SLC44A1: variants seen among roughly 807,000 people sequenced by gnomAD.
SLC44A1 encodes choline transporter-like protein 1.
Under a neutral mutation model 79.3 loss-of-function variants are expected in SLC44A1, and 26 were observed. That is an observed-to-expected ratio of 0.33 (90% confidence interval 0.24 to 0.46). The LOEUF is 0.46. Ranked by LOEUF, SLC44A1 falls within the 20% of genes least tolerant of loss-of-function variation. The probability of loss-of-function intolerance (pLI) is 1.00; values close to 1 mark genes in which losing one functional copy is unlikely to be tolerated. For missense variants in SLC44A1, 688 were observed against 798.1 expected (o/e 0.86, Z 1.66); for synonymous variants, 263 against 286.2 (o/e 0.92, Z 0.82).
intron 15 of SLC44A1, among the ~76,000 whole-genome samples, chr9:105,387,216 T>A (rs576266613): frequency 3.4e-4 from 51 of 151,578 alleles, no homozygotes; most frequent in African/African-American, 1.1e-3. Flanking sequence ...ATATAAAACC[T>A]TTCCTCTGTA....
chr9:105,303,631 T>C (rs1830938375), intron 2 of SLC44A1, among the ~76,000 whole-genome samples: 1 of 152,146 alleles, frequency 6.6e-6, no homozygotes, highest in Non-Finnish European at 1.5e-5. Context: ...AACAGAGGCA[T>C]AGAGATAAGC....
intron 1 of SLC44A1, among the ~76,000 whole-genome samples, chr9:105,249,445 T>G (rs1237471686): frequency 6.6e-6 from 1 of 152,176 alleles, no homozygotes; most frequent in Non-Finnish European, 1.5e-5. Flanking sequence ...GAATACTGTG[T>G]TGTTAGCATA....
At chr9:105,268,525 C>G (rs1032142076) in intron 1 of SLC44A1, among the ~76,000 whole-genome samples, 2 of 151,148 alleles carry the variant, frequency 1.3e-5, no homozygotes, top group African/African-American at 4.9e-5. Context: ...TTTTTTGAGA[C>G]GGAGTTTCGC....
At chr9:105,370,030 G>A (rs369053002) in intron 12 of SLC44A1, among the ~76,000 whole-genome samples, 1 of 152,240 alleles carries the variant, frequency 6.6e-6, no homozygotes. Context: ...AATGTTGAGC[G>A]TGGGCTAAAT....
At chr9:105,278,769 A>G (rs1830274551) in intron 1 of SLC44A1, among the ~76,000 whole-genome samples, 1 of 152,208 alleles carries the variant, frequency 6.6e-6, no homozygotes, top group Non-Finnish European at 1.5e-5. Flanking sequence ...TGAATCAGCT[A>G]CCACATATGC....
intron 3 of SLC44A1, among the ~76,000 whole-genome samples, chr9:105,318,236 A>G (rs183526685): frequency 4.9e-5 from 7 of 144,232 alleles, no homozygotes; most frequent in Non-Finnish European, 8.8e-5. Context: ...CTGGAGTGCA[A>G]TGGGCAAGAT....
chr9:105,348,021 G>T (rs1041304083), intron 4 of SLC44A1, among the ~76,000 whole-genome samples: 3 of 151,988 alleles, frequency 2.0e-5, no homozygotes, highest in African/African-American at 7.2e-5. Context: ...TCTCTTTAAA[G>T]TAGGCTTAAT....
intron 2 of SLC44A1, among the ~76,000 whole-genome samples, chr9:105,304,964 T>TG (rs1830985104): frequency 8.7e-6 from 1 of 114,406 alleles, no homozygotes; most frequent in African/African-American, 3.6e-5. Flanking sequence ...TTTTTTTTTT[T>TG]TTTTTTTTTT....
At chr9:105,374,539 C>A (rs7048586) in intron 12 of SLC44A1, 59 bp from the exon 13 acceptor site, 55,046 of 1,555,746 alleles carry the variant, frequency 0.035, 4,010 homozygotes, top group African/African-American at 0.31. Context: ...TGCTCAGTTT[C>A]TATCTTAACA....
chr9:105,342,145 ATAGTTT>A (rs1012038241), intron 4 of SLC44A1, among the ~76,000 whole-genome samples: 1 of 152,192 alleles, frequency 6.6e-6, no homozygotes, highest in Non-Finnish European at 1.5e-5. Context: ...TCCCTTATCC[ATAGTTT>A]TACTGTTCAA....
intron 5 of SLC44A1, among the ~76,000 whole-genome samples, chr9:105,354,717 G>A (rs1019673406): frequency 1.3e-5 from 2 of 152,168 alleles, no homozygotes; most frequent in Admixed American, 6.5e-5. Context: ...TTATTTTAAC[G>A]TTCCACCAAA....
chr9:105,299,744 C>T, intron 2 of SLC44A1: 1 of 982,778 alleles, frequency 1.0e-6, no homozygotes, highest in African/African-American at 1.8e-5. Context: ...CTGTCCTAGG[C>T]CCCTGCTGCC....
chr9:105,387,060 A>AAAATATATAT (rs34780893), intron 15 of SLC44A1, among the ~76,000 whole-genome samples: 2 of 7,730 alleles, frequency 2.6e-4, no homozygotes, highest in South Asian at 6.6e-3. Flanking sequence ...AAAAAAAAAA[A>AAAATATATAT]ATATATATAT....
intron 1 of SLC44A1, among the ~76,000 whole-genome samples, chr9:105,297,931 A>G (rs1374116760): frequency 1.3e-5 from 2 of 152,008 alleles, no homozygotes; most frequent in Non-Finnish European, 2.9e-5. Flanking sequence ...TCTCAGAGGA[A>G]CCTTTCCCAT....
chr9:105,416,445 G>A (rs1361888666), intron 15 of SLC44A1, among the ~76,000 whole-genome samples: 1 of 152,008 alleles, frequency 6.6e-6, no homozygotes, highest in Non-Finnish European at 1.5e-5. Flanking sequence ...ATAGAAGTGT[G>A]TATAATGTGT....
At chr9:105,328,876 A>G (rs1169234287) in intron 3 of SLC44A1, among the ~76,000 whole-genome samples, 5 of 152,170 alleles carry the variant, frequency 3.3e-5, no homozygotes, top group Non-Finnish European at 7.3e-5. Context: ...CACCCCTGTC[A>G]GCAACCTCAT....
chr9:105,297,973 C>T (rs1442556106), intron 1 of SLC44A1, among the ~76,000 whole-genome samples: 1 of 152,088 alleles, frequency 6.6e-6, no homozygotes, highest in East Asian at 1.9e-4. Context: ...TTTCTCCCTT[C>T]ACTGCTTACT....
intron 1 of SLC44A1, among the ~76,000 whole-genome samples, chr9:105,286,333 G>A (rs931120481): frequency 3.3e-5 from 5 of 152,142 alleles, no homozygotes; most frequent in Admixed American, 3.3e-4. Context: ...GACCATTTGA[G>A]TTGGGCATAT....
Position 105,244,885 on chromosome 9 carries a change from C to T in SLC44A1, c.17C>T (p.Ser6Phe). The T allele has an allele frequency of 8.5e-7, 1 of 1,173,240 alleles. No homozygotes were observed. Among genetic ancestry groups the T allele is most frequent in the East Asian group, 3.8e-5 (1 of 26,018 alleles). The allele number at this position is 1,173,240 out of a possible 1,614,324, so 72.7% of individuals were successfully genotyped here. Residue 6 changes from serine (S) to phenylalanine (F), a missense_variant, in exon 1 of 16, where the codon TCC (serine) becomes TTC (phenylalanine). Ser to Phe is a radical substitution (Grantham distance 155). Transcript: ENST00000374720. Reference protein sequence around the residue: MGCCSSASSAAQSSKR... With the variant: MGCCSFASSAAQSSKR... The stretch of plus-strand genomic sequence containing the variant: ...GGCCCCGCCATGGGCTGCTGCAGCT[C>T]CGCCTCCTCCGCCGCGCAGGTGAGG...
Sources: gnomAD v4.1 joint callset for allele counts (sites outside exome capture counted in the v4.1 genomes callset) on GRCh38, gnomAD v4.1.1 for gene constraint, MANE v1.5 for transcripts, NCBI Gene and HGNC (gene_info 2026-07-23, HGNC 2026-07-21) for gene names.